Variants in AOAH observed in about 807,000 individuals in gnomAD.
AOAH encodes the protein acyloxyacyl hydrolase.
Under a neutral mutation model 92.2 loss-of-function variants are expected in AOAH, and 64 were observed. The observed-to-expected ratio is 0.69, with a 90% CI of 0.57 to 0.86. The LOEUF (loss-of-function observed/expected upper bound fraction) is 0.86, where lower values mean the gene tolerates loss of function less well. Among genes scored for constraint, AOAH ranks in the 40% least tolerant of loss-of-function variants. The pLI, the probability that AOAH is intolerant of heterozygous loss-of-function variation, is 0.00. For synonymous variants in AOAH, 263 were observed against 254.5 expected (o/e 1.03, Z -0.32); for missense variants, 656 against 694.6 (o/e 0.94, Z 0.62).
chr7:36,704,485 T>C (rs370988964), intron 1 of AOAH, among the ~76,000 whole-genome samples: 2 of 152,124 alleles, frequency 1.3e-5, no homozygotes, highest in East Asian at 3.9e-4. Context: ...GTTCTGAAAC[T>C]GAGGCAGTAA....
At chr7:36,537,724 T>C (rs1785167948) in intron 16 of AOAH, among the ~76,000 whole-genome samples, 1 of 152,100 alleles carries the variant, frequency 6.6e-6, no homozygotes, top group Non-Finnish European at 1.5e-5. Flanking sequence ...GGTTTCACCA[T>C]GTTGGCCAGG....
At chr7:36,678,445 C>T (rs1796396737) in intron 2 of AOAH, among the ~76,000 whole-genome samples, 1 of 152,080 alleles carries the variant, frequency 6.6e-6, no homozygotes, top group Admixed American at 6.5e-5. Flanking sequence ...ACTGGCTTAG[C>T]CTAGAGCAGA....
At chr7:36,544,320 T>C (rs538893446) in intron 15 of AOAH, among the ~76,000 whole-genome samples, 1 of 152,140 alleles carries the variant, frequency 6.6e-6, no homozygotes, top group Non-Finnish European at 1.5e-5. Context: ...GACTTTGTGT[T>C]AGTATTCTGG....
Position 36,616,428 on chromosome 7 carries a change from A to T in AOAH, c.798T>A (p.Ala266=). The T allele has an allele frequency of 6.2e-7, 1 of 1,614,154 alleles. No homozygotes were observed. The change falls in exon 11 of 21, where the codon GCT becomes GCA. Residue 266 remains alanine, a synonymous_variant. Transcript: ENST00000617537. ...GIILLGDSAG[A]HFHISPEWIT... ...TCCATTCAGGAGAGATGTGAAAATG[A>T]GCCCCAGCTGAGTCTCCCAGCAAAA...
At chr7:36,523,629 GTTTT>G (rs57628897) in intron 19 of AOAH, among the ~76,000 whole-genome samples, 2 of 100,138 alleles carry the variant, frequency 2.0e-5, no homozygotes, top group African/African-American at 4.1e-5. Flanking sequence ...TGTTTTGCCT[GTTTT>G]TTTTTTTTTT....
chr7:36,595,060 T>C (rs974286630), intron 11 of AOAH, among the ~76,000 whole-genome samples: 1 of 152,198 alleles, frequency 6.6e-6, no homozygotes, highest in East Asian at 1.9e-4. Context: ...TAGGATTCAT[T>C]TGAACCACAT....
Position 36,614,386 on chromosome 7 carries a change from G to T in AOAH, c.846+1994C>A, listed in dbSNP as rs1316761262. On this transcript the variant is annotated intron_variant, in intron 11 of 20. Coordinates refer to ENST00000617537, the MANE Select transcript of AOAH (RefSeq NM_001637.4). The surrounding 1 kb of genome is among the most constrained non-coding windows in gnomAD (Gnocchi z 4.2). The stretch of plus-strand genomic sequence containing the variant: ...AGGTCCTTCGCTTAGAAAGGGCCCT[G>T]CACTGGGTTTAATGCTCTGCTGCCC... Among the ~76,000 whole-genome samples, 5 of 152,216 alleles carry T rather than the reference G, an allele frequency of 3.3e-5. No homozygotes were observed. Among genetic ancestry groups the T allele is most frequent in the Non-Finnish European group, 4.4e-5 (3 of 68,046 alleles).
At chr7:36,543,949 T>TTC (rs1207933300) in intron 15 of AOAH, among the ~76,000 whole-genome samples, 2 of 129,014 alleles carry the variant, frequency 1.6e-5, no homozygotes, top group Admixed American at 7.6e-5. Context: ...CTTTCTTTCT[T>TTC]TTTTTTTTTT....
rs1431194692 is a variant in AOAH at position 36,524,247 on chromosome 7, G to A, written c.1523-2132C>T. The stretch of plus-strand genomic sequence containing the variant: ...CAACAGGGTGTTGCACGGACTGAAT[G>A]TTTGTGTCCCTTTCAAATTCCTGTG... On this transcript the variant is annotated intron_variant, in intron 19 of 20. Transcript: ENST00000617537. Among the ~76,000 whole-genome samples, 4 of 151,968 alleles carry A rather than the reference G, an allele frequency of 2.6e-5. No individual in the cohort carries two copies. The East Asian group carries it at 7.7e-4, about 29-fold the overall frequency.
intron 11 of AOAH, 132 bp downstream of exon 11, chr7:36,616,247 TG>T: frequency 2.8e-6 from 2 of 706,820 alleles, no homozygotes; most frequent in East Asian, 5.4e-5. Context: ...ACTGTGGATA[TG>T]CCTTTCATGG....
At chr7:36,562,016 AT>A (rs1339398923) in intron 13 of AOAH, among the ~76,000 whole-genome samples, 2 of 152,120 alleles carry the variant, frequency 1.3e-5, no homozygotes, top group African/African-American at 4.8e-5. Flanking sequence ...CCAAATGTCT[AT>A]TTTTTATAGT....
chr7:36,631,853 C>T (rs971379911), intron 6 of AOAH, among the ~76,000 whole-genome samples, 183 bp downstream of exon 6: 1 of 152,154 alleles, frequency 6.6e-6, no homozygotes, highest in African/African-American at 2.4e-5. Flanking sequence ...CAGTATATTT[C>T]CCAAACGATT....
chr7:36,540,441 T>C lies in AOAH; in HGVS notation c.1184A>G (p.Asn395Ser), dbSNP rs776320571. The C allele has an allele frequency of 1.2e-6, 2 of 1,614,070 alleles. No homozygotes were observed. Among genetic ancestry groups the C allele is most frequent in the Non-Finnish European group, 1.7e-6 (2 of 1,179,958 alleles). Reference sequence around the variant, plus strand: ...TAGATGCTTCAGAGTCTGCATGACGTTGGAGTAGAGTTTCTCAGGAGTGGT... The same window carrying C: ...TAGATGCTTCAGAGTCTGCATGACGCTGGAGTAGAGTTTCTCAGGAGTGGT... ...AMTTPEKLYS[N>S]VMQTLKHLNS... is the part of the protein sequence containing the mutation. The change falls in exon 16 of 21, where the codon AAC (asparagine) becomes AGC (serine). Residue 395 changes from asparagine to serine, a missense_variant. Coordinates refer to ENST00000617537, the MANE Select transcript of AOAH (RefSeq NM_001637.4).
At chr7:36,690,782 G>T (rs180748271) in intron 1 of AOAH, among the ~76,000 whole-genome samples, 1 of 152,080 alleles carries the variant, frequency 6.6e-6, no homozygotes, top group Non-Finnish European at 1.5e-5. Context: ...GAGTACAATA[G>T]AAACAGACAC....
intron 11 of AOAH, among the ~76,000 whole-genome samples, chr7:36,599,294 T>C (rs1790373089): frequency 6.6e-6 from 1 of 152,224 alleles, no homozygotes; most frequent in Non-Finnish European, 1.5e-5. Flanking sequence ...AAGCAATTGA[T>C]GTTCTTAAAG....
At chr7:36,631,946 T>G in intron 6 of AOAH, 90 bp downstream of exon 6, 1 of 965,278 alleles carries the variant, frequency 1.0e-6, no homozygotes, top group Non-Finnish European at 1.6e-6. Flanking sequence ...GCCTTTTAAG[T>G]GTGAAGATCA....
At chr7:36,681,101 G>A (rs1796615543) in intron 2 of AOAH, among the ~76,000 whole-genome samples, 1 of 152,168 alleles carries the variant, frequency 6.6e-6, no homozygotes, top group African/African-American at 2.4e-5. Flanking sequence ...CATCTAACTT[G>A]AGGTTATACC....
intron 15 of AOAH, among the ~76,000 whole-genome samples, chr7:36,548,238 T>A (rs1785931622): frequency 2.6e-5 from 4 of 152,154 alleles, no homozygotes; most frequent in African/African-American, 4.8e-5. Flanking sequence ...CAGGCTGGAG[T>A]GCAGTGGCAC....
rs184329018 is a variant in AOAH, at chr7:36,710,343, C to T, written c.127+13679G>A. ...TTGAAAGAAAGAAATAGCTATGCTA[C>T]TCACTCCCTAGGAAGAGGGGCAGAC... On this transcript the variant is annotated intron_variant, in intron 1 of 20. Coordinates refer to ENST00000617537, the MANE Select transcript of AOAH (RefSeq NM_001637.4). Among the ~76,000 whole-genome samples the T allele has an allele frequency of 2.2e-3, 328 of 152,288 alleles. 4 individuals carry two copies. The highest frequency in any genetic ancestry group is 7.6e-3 in the African/African-American group (315 of 41,558).
Sources: allele counts gnomAD v4.1 joint callset (sites outside exome capture counted in the v4.1 genomes callset), GRCh38; gene constraint gnomAD v4.1.1; non-coding constraint Gnocchi (gnomAD v3.1); transcripts MANE v1.5; gene names NCBI Gene and HGNC (gene_info 2026-07-23, HGNC 2026-07-21).